The following SLC2A9 variants were observed in gnomAD, a reference collection of about 807,000 sequenced individuals.
SLC2A9 encodes the protein solute carrier family 2, facilitated glucose transporter member 9.
SLC2A9 carries 39 observed loss-of-function variants against 50.6 expected under a neutral mutation model. That is an observed-to-expected ratio of 0.77 (90% CI 0.60 to 1.01). The LOEUF (loss-of-function observed/expected upper bound fraction) is 1.01. SLC2A9 is among the 50% of genes least tolerant of loss of function. SLC2A9 has a pLI of 0.00. For missense variants in SLC2A9, 686 were observed against 677.6 expected, an observed-to-expected ratio of 1.01 and a Z score of -0.14; for synonymous variants, 324 against 276.9, an observed-to-expected ratio of 1.17 and a Z score of -1.69.
intron 2 of SLC2A9, among the ~76,000 whole-genome samples, chr4:10,013,838 G>A (rs928116456): frequency 6.6e-6 from 1 of 152,180 alleles, no homozygotes; most frequent in Non-Finnish European, 1.5e-5. Flanking sequence ...TTATCTAACA[G>A]CTGGAAAGGC....
At chr4:10,025,956 C>G, upstream of SLC2A9, 1 of 1,613,952 alleles carries the variant, frequency 6.2e-7, no homozygotes, top group Non-Finnish European at 8.5e-7. Flanking sequence ...GTCCTTTTTA[C>G]TGAGCTTCAT....
At chr4:9,852,588 A>AT (rs1484562013) in intron 10 of SLC2A9, among the ~76,000 whole-genome samples, 2 of 152,350 alleles carry the variant, frequency 1.3e-5, no homozygotes, top group Non-Finnish European at 2.9e-5. Flanking sequence ...CCAATCAAGA[A>AT]TTTTGTAGCC....
chr4:10,016,046 G>C (rs762515651), intron 2 of SLC2A9, among the ~76,000 whole-genome samples: 1 of 152,214 alleles, frequency 6.6e-6, no homozygotes, highest in Non-Finnish European at 1.5e-5. Context: ...CGGGGTGCTT[G>C]CTCTGGGCTC....
chr4:9,810,069 T>A (rs1295932385), intron 3 of SLC2A9, among the ~76,000 whole-genome samples: 1 of 152,194 alleles, frequency 6.6e-6, no homozygotes, highest in East Asian at 1.9e-4. Context: ...GTTCTAATTG[T>A]TGGCATTGCA....
intron 3 of SLC2A9, among the ~76,000 whole-genome samples, chr4:9,788,945 C>G (rs1181436511): frequency 6.6e-6 from 1 of 152,086 alleles, no homozygotes; most frequent in Non-Finnish European, 1.5e-5. Context: ...GATGTGGGCA[C>G]TAGGGTGTTT....
At chr4:9,954,268 C>G (rs1269161223) in intron 5 of SLC2A9, among the ~76,000 whole-genome samples, 1 of 152,274 alleles carries the variant, frequency 6.6e-6, no homozygotes, top group Non-Finnish European at 1.5e-5. Context: ...ACTCACTCAA[C>G]AGCTGTCACT....
chr4:9,799,700 C>CCCCCCCCCCCCA (rs1553813199), intron 3 of SLC2A9, among the ~76,000 whole-genome samples: 1 of 93,632 alleles, frequency 1.1e-5, no homozygotes, highest in Non-Finnish European at 2.1e-5. Context: ...GTACCCCCCC[C>CCCCCCCCCCCCA]CCACCCAACT....
intron 11 of SLC2A9, 99 bp from the exon 12 acceptor site, chr4:9,826,699 T>C (rs1725193539): frequency 9.3e-7 from 1 of 1,079,922 alleles, no homozygotes; most frequent in Non-Finnish European, 1.4e-6. Flanking sequence ...CACATTCATA[T>C]ACCAATACTC....
chr4:9,903,732 A>G (rs1026738462), intron 8 of SLC2A9, among the ~76,000 whole-genome samples: 6 of 151,450 alleles, frequency 4.0e-5, no homozygotes, highest in Admixed American at 3.9e-4. Context: ...GATGAAATAT[A>G]TAGACATATA....
intron 2 of SLC2A9, among the ~76,000 whole-genome samples, chr4:10,011,155 A>T (rs1391690025): frequency 6.6e-6 from 1 of 152,134 alleles, no homozygotes; most frequent in African/African-American, 2.4e-5. Flanking sequence ...CCTGCCACAG[A>T]CCTTGCATTT....
chr4:10,038,898 C>A (rs567149049), intron 1 of SLC2A9, among the ~76,000 whole-genome samples: 8 of 152,198 alleles, frequency 5.3e-5, no homozygotes, highest in Non-Finnish European at 1.0e-4. Flanking sequence ...GCAGGATCAA[C>A]ATTTTTCTTA....
downstream of SLC2A9, among the ~76,000 whole-genome samples, chr4:9,775,619 G>A (rs1472418696): frequency 6.6e-6 from 1 of 151,910 alleles, no homozygotes; most frequent in African/African-American, 2.4e-5. Context: ...ATTTAAAAGT[G>A]TGTGGCATGT....
rs75245282 is a variant in SLC2A9 at position 9,950,384 on chromosome 4, C to G, written c.682-8339G>C. Among the ~76,000 whole-genome samples, 310 of 152,222 alleles carry G rather than the reference C, an allele frequency of 2.0e-3. 1 individual carries two copies. Among genetic ancestry groups the G allele is most frequent in the African/African-American group, 6.9e-3 (288 of 41,540 alleles). Reference sequence around the variant, plus strand: ...GAGAGAAGCACCCACATAGAGCCCCCCCATGGGTCATCTTTCAAGAAATGC... The same window carrying G: ...GAGAGAAGCACCCACATAGAGCCCCGCCATGGGTCATCTTTCAAGAAATGC... On this transcript the variant is annotated intron_variant, in intron 5 of 11. Transcript: ENST00000264784.
intron 8 of SLC2A9, among the ~76,000 whole-genome samples, chr4:9,906,556 A>G (rs1740699367): frequency 6.6e-6 from 1 of 152,254 alleles, no homozygotes; most frequent in Non-Finnish European, 1.5e-5. Flanking sequence ...TGTAAGAAAT[A>G]TACATCTATG....
At chr4:9,815,207 C>A (rs902723094) in intron 3 of SLC2A9, among the ~76,000 whole-genome samples, 7 of 152,218 alleles carry the variant, frequency 4.6e-5, no homozygotes, top group African/African-American at 1.2e-4. Flanking sequence ...AGCACCAGAA[C>A]TCCAGCAAAG....
chr4:9,774,824 T>C (rs1007829577), downstream of SLC2A9, among the ~76,000 whole-genome samples: 4 of 152,126 alleles, frequency 2.6e-5, no homozygotes, highest in African/African-American at 4.8e-5. Context: ...TTTCTCTTTC[T>C]CTCCCTTTAA....
At chr4:9,799,692 A>ACAACC (rs1553813206) in intron 3 of SLC2A9, among the ~76,000 whole-genome samples, 1 of 69,810 alleles carries the variant, frequency 1.4e-5, no homozygotes, top group Non-Finnish European at 2.7e-5. Flanking sequence ...TTCCAATTGT[A>ACAACC]CCCCCCCCCC....
chr4:9,982,100 G>A (rs528205055), intron 4 of SLC2A9, among the ~76,000 whole-genome samples: 28 of 152,262 alleles, frequency 1.8e-4, no homozygotes, highest in African/African-American at 6.3e-4. Context: ...AGCTGGTCTC[G>A]AACTCCCGAC....
At chr4:9,912,330 G>A (rs1742005479) in intron 7 of SLC2A9, among the ~76,000 whole-genome samples, 1 of 152,112 alleles carries the variant, frequency 6.6e-6, no homozygotes, top group Non-Finnish European at 1.5e-5. Context: ...TCTGACAGTG[G>A]CACATATGCC....
Sources: gnomAD v4.1 joint callset for allele counts (sites outside exome capture counted in the v4.1 genomes callset) on GRCh38, gnomAD v4.1.1 for gene constraint, MANE v1.5 for transcripts, NCBI Gene and HGNC (gene_info 2026-07-23, HGNC 2026-07-21) for gene names.